Variants in CACNA1E observed in about 807,000 individuals in gnomAD.
The protein encoded by CACNA1E is calcium voltage-gated channel subunit alpha1 E.
A neutral mutation model predicts 259.2 loss-of-function variants in CACNA1E; 40 were observed. That is an observed-to-expected ratio of 0.15 (90% CI 0.12 to 0.20). The LOEUF (loss-of-function observed/expected upper bound fraction) is 0.20, where lower values mean the gene tolerates loss of function less well. Among genes scored for constraint, CACNA1E ranks in the 10% least tolerant of loss-of-function variants. The pLI, the probability that CACNA1E is intolerant of heterozygous loss-of-function variation, is 1.00. For synonymous variants in CACNA1E, 1,104 were observed against 1,138.5 expected (o/e 0.97, Z 0.61); for missense variants, 1,874 against 3,040.1 (o/e 0.62, Z 9.02).
At chr1:181,537,756 G>A (rs750884832) in intron 3 of CACNA1E, among the ~76,000 whole-genome samples, 5 of 152,170 alleles carry the variant, frequency 3.3e-5, no homozygotes, top group Non-Finnish European at 5.9e-5. Context: ...TACTTTACCT[G>A]TGCAAACACA....
At chr1:181,551,354 G>C (rs1298262964) in intron 3 of CACNA1E, among the ~76,000 whole-genome samples, 1 of 152,200 alleles carries the variant, frequency 6.6e-6, no homozygotes, top group Non-Finnish European at 1.5e-5. Context: ...CATGGTGATG[G>C]TGGGTGGTTG....
chr1:181,669,657 A>G (rs1648594781), intron 7 of CACNA1E, among the ~76,000 whole-genome samples: 1 of 152,246 alleles, frequency 6.6e-6, no homozygotes, highest in South Asian at 2.1e-4. Context: ...ATTAACAAGC[A>G]CACAGTAAGC....
chr1:181,651,050 C>T (rs887731277), intron 6 of CACNA1E, among the ~76,000 whole-genome samples: 4 of 152,174 alleles, frequency 2.6e-5, no homozygotes, highest in Non-Finnish European at 2.9e-5. Flanking sequence ...GTTTGCGTGA[C>T]CTTGGAAAAG....
chr1:181,421,840 T>G lies in CACNA1E; in HGVS notation c.434+8260T>G, dbSNP rs572031290. On this transcript the variant is annotated intron_variant, in intron 2 of 11. Coordinates refer to the CACNA1E transcript ENST00000524607. The stretch of plus-strand genomic sequence containing the variant: ...GGACCATTGCAATGGCCTGCTAACG[T>G]GTCTTTGCATCTTTGTTTCCCTAGA... Among the ~76,000 whole-genome samples, 5 of 152,342 alleles carry G rather than the reference T, an allele frequency of 3.3e-5. No homozygotes were observed. In the East Asian group the frequency reaches 7.7e-4, roughly 23 times the overall value.
At chr1:181,408,084 C>T (rs1221731123) in intron 1 of CACNA1E, among the ~76,000 whole-genome samples, 3 of 152,156 alleles carry the variant, frequency 2.0e-5, no homozygotes, top group East Asian at 1.9e-4. Context: ...ATCTCTTAGC[C>T]AATGTGCTTG....
chr1:181,768,453 T>C (rs1659212252), intron 35 of CACNA1E, among the ~76,000 whole-genome samples: 1 of 152,228 alleles, frequency 6.6e-6, no homozygotes, highest in Non-Finnish European at 1.5e-5. Context: ...AAGTAACTTA[T>C]AACATGCTCA....
In CACNA1E at chr1:181,796,947, C is replaced by T. The variant is rs79860368; in HGVS notation, c.6399+89C>T. ...ATGCAAGTCGTGAGCATTTCGCAAACGCATTCAAGTACCCACAAAGACTGG... is the reference window on the plus strand; with the variant it reads ...ATGCAAGTCGTGAGCATTTCGCAAATGCATTCAAGTACCCACAAAGACTGG... On this transcript the variant is annotated intron_variant, in intron 47 of 47. Transcript: ENST00000367573. 4.8e-3 allele frequency: 4,339 copies of T among 910,286 alleles called. 111 individuals are homozygous for T. In the African/African-American group the frequency reaches 0.062, roughly 13 times the overall value. 56.4% of individuals were successfully genotyped at this position (910,286 alleles called of 1,614,324 possible).
chr1:181,530,850 G>A (rs1172818560), intron 3 of CACNA1E, among the ~76,000 whole-genome samples: 1 of 152,132 alleles, frequency 6.6e-6, no homozygotes, highest in Non-Finnish European at 1.5e-5. Context: ...GGCTGGAGAG[G>A]TAAAATGGAA....
At chr1:181,510,452 T>G in intron 1 of CACNA1E, 25 bp from the exon 2 acceptor site, 1 of 1,546,606 alleles carries the variant, frequency 6.5e-7, no homozygotes, top group Non-Finnish European at 8.9e-7. Flanking sequence ...TCTGGTGAAT[T>G]TGTTCCTTAA....
chr1:181,753,839 C>A (rs979358317), intron 27 of CACNA1E, among the ~76,000 whole-genome samples: 4 of 152,184 alleles, frequency 2.6e-5, no homozygotes, highest in African/African-American at 7.2e-5. Flanking sequence ...GAAGAAAAGT[C>A]ACTTCTGAGA....
chr1:181,503,926 C>T (rs949213240), intron 1 of CACNA1E, among the ~76,000 whole-genome samples: 8 of 152,130 alleles, frequency 5.3e-5, no homozygotes, highest in African/African-American at 9.7e-5. Context: ...TGAAGTTACA[C>T]GGAAGGCTTG....
chr1:181,777,935 A>G (rs1660106780), intron 38 of CACNA1E, among the ~76,000 whole-genome samples: 1 of 152,220 alleles, frequency 6.6e-6, no homozygotes, highest in South Asian at 2.1e-4. Flanking sequence ...CTTGGCTTCC[A>G]GAAACCCCAG....
intron 6 of CACNA1E, among the ~76,000 whole-genome samples, chr1:181,584,179 C>T (rs1444634250): frequency 6.6e-6 from 1 of 152,210 alleles, no homozygotes; most frequent in African/African-American, 2.4e-5. Context: ...CAGAGGTTCC[C>T]AGTCCCTGTC....
chr1:181,365,042 A>T (rs1311152551), intron 1 of CACNA1E, among the ~76,000 whole-genome samples: 1 of 152,160 alleles, frequency 6.6e-6, no homozygotes, highest in Non-Finnish European at 1.5e-5. Flanking sequence ...CACCCTGGAC[A>T]TGTCTGGGTA....
At chr1:181,429,384 G>A (rs3845430) in intron 2 of CACNA1E, among the ~76,000 whole-genome samples, 60,552 of 151,938 alleles carry the variant, frequency 0.4, 12,352 homozygotes, top group African/African-American at 0.46. Context: ...CTCTGTTGCG[G>A]TGCCTGCCTC....
At chr1:181,588,066 G>GCATGTGCCGCA (rs1652266557) in intron 6 of CACNA1E, among the ~76,000 whole-genome samples, 2 of 152,212 alleles carry the variant, frequency 1.3e-5, no homozygotes, top group South Asian at 4.1e-4. Context: ...GTGAGTGTGT[G>GCATGTGCCGCA]CATGTGCCGC....
At chr1:181,524,508 T>C (rs2102693027) in intron 3 of CACNA1E, among the ~76,000 whole-genome samples, 1 of 152,310 alleles carries the variant, frequency 6.6e-6, no homozygotes, top group South Asian at 2.1e-4. Context: ...ACCCCCCAAA[T>C]TTCAATGGGT....
At chr1:181,693,334 A>T (rs1270815881) in intron 7 of CACNA1E, among the ~76,000 whole-genome samples, 2 of 152,236 alleles carry the variant, frequency 1.3e-5, no homozygotes, top group South Asian at 2.1e-4. Context: ...AAATTGTTCT[A>T]CCCAAATGAC....
In CACNA1E at chr1:181,733,705, G is replaced by T; in HGVS notation, c.3217G>T (p.Ala1073Ser). Residue 1073 changes from alanine (A) to serine (S), a missense_variant, in exon 21 of 48, where the codon GCC becomes TCC. Ala to Ser is a moderately conservative substitution (Grantham distance 99). Around this residue, in one of 14 missense-constraint regions of CACNA1E, gnomAD observed 476 missense variants for 514.0 expected, o/e 0.93. Transcript: ENST00000367573. ...CACCGAGAGCACCAGCGTCACCGTC[G>T]CCATCCCCGACGTGGACCCCTTGGT... ...ATTESTSVTVAIPDVDPLVDS... is the reference protein window; with the variant it reads ...ATTESTSVTVSIPDVDPLVDS... 5 of 1,589,662 alleles carry T rather than the reference G, an allele frequency of 3.1e-6. No individual in the cohort carries two copies. Among genetic ancestry groups the T allele is most frequent in the Non-Finnish European group, 4.3e-6 (5 of 1,168,258 alleles).
Sources: allele counts gnomAD v4.1 joint callset (sites outside exome capture counted in the v4.1 genomes callset), GRCh38; gene constraint gnomAD v4.1.1; regional missense constraint gnomAD v4.1.1; transcripts MANE v1.5; gene names NCBI Gene and HGNC (gene_info 2026-07-23, HGNC 2026-07-21).